The following HEATR4 variants were observed in gnomAD, a reference collection of about 807,000 sequenced individuals.
HEATR4 encodes the protein HEAT repeat containing 4, also known as HEAT repeat-containing protein 4.
A neutral mutation model predicts 108.8 loss-of-function variants in HEATR4; 95 were observed. The observed-to-expected ratio is 0.87, with a 90% CI of 0.74 to 1.04. The LOEUF (loss-of-function observed/expected upper bound fraction) is 1.04. HEATR4 is among the 50% of genes least tolerant of loss of function. The pLI, the probability that HEATR4 is intolerant of heterozygous loss-of-function variation, is 0.00. For missense variants in HEATR4, 1,152 were observed against 1,253.8 expected, an observed-to-expected ratio of 0.92 and a Z score of 1.23; for synonymous variants, 443 against 459.4, an observed-to-expected ratio of 0.96 and a Z score of 0.46.
intron 5 of HEATR4, among the ~76,000 whole-genome samples, chr14:73,517,000 G>T (rs1887640950): frequency 6.6e-6 from 1 of 152,156 alleles, no homozygotes; most frequent in Admixed American, 6.5e-5. Context: ...CTCTTGGCAG[G>T]GTACAGTGGC....
Position 73,484,811 on chromosome 14 carries a change from G to GACAC in HEATR4, c.2845-5973_2845-5970dup, listed in dbSNP as rs367692583. On this transcript the variant is annotated intron_variant, in intron 17 of 17. Coordinates refer to ENST00000553558, the MANE Select transcript of HEATR4 (RefSeq NM_001220484.1). ...TTCCAGATATTCAACTATGCAGGCA[G>GACAC]ACACACACACACACACACACAGACA... is the stretch of plus-strand genomic sequence containing the variant. 3.0e-3 allele frequency among the ~76,000 whole-genome samples: 447 copies of GACAC among 147,600 alleles called. 3 individuals are homozygous for GACAC. Among genetic ancestry groups the GACAC allele is most frequent in the African/African-American group, 9.0e-3 (358 of 39,854 alleles).
At chr14:73,629,811 A>AT in the HEATR4 span, among the ~76,000 whole-genome samples, 5 of 151,582 alleles carry the variant, frequency 3.3e-5, no homozygotes, top group African/African-American at 7.3e-5. Flanking sequence ...AGCCCGGCTA[A>AT]TTTTTTTGTA....
At chr14:73,560,078 T>G (rs1889493154), upstream of HEATR4, among the ~76,000 whole-genome samples, 1 of 152,150 alleles carries the variant, frequency 6.6e-6, no homozygotes, top group Non-Finnish European at 1.5e-5. Flanking sequence ...ATAGTATAAT[T>G]TCACACGTAC....
chr14:73,626,653 C>A, the HEATR4 span, among the ~76,000 whole-genome samples: 1 of 147,716 alleles, frequency 6.8e-6, no homozygotes, highest in Non-Finnish European at 1.5e-5. Context: ...CATAGTGAGA[C>A]CCTGTCTTAA....
rs1390255122 is a variant in HEATR4, at chr14:73,492,854, T to A, written c.2844+212A>T. 16 of 1,613,834 alleles carry A rather than the reference T, an allele frequency of 9.9e-6. No individual in the cohort carries two copies. The highest frequency in any genetic ancestry group is 1.4e-5 in the Non-Finnish European group (16 of 1,179,874). On this transcript the variant is annotated intron_variant, in intron 17 of 17. Transcript: ENST00000553558. This position sits in a 1 kb window ranked among gnomAD's most constrained non-coding sequence, Gnocchi z 4.9. ...GTTTGTGAGAGTGGGGGACCTGCCC[T>A]GTGACAGTGTGGAGGACCAGCTGTC...
the HEATR4 span, chr14:73,612,929 C>A: frequency 7.5e-7 from 1 of 1,339,308 alleles, no homozygotes; most frequent in Non-Finnish European, 1.0e-6. Flanking sequence ...CGGGCGGCTG[C>A]TGTGCCTGGC....
the HEATR4 span, among the ~76,000 whole-genome samples, chr14:73,568,540 G>A: frequency 6.6e-6 from 1 of 151,572 alleles, no homozygotes; most frequent in Admixed American, 6.6e-5. Flanking sequence ...ACTCCAGTCT[G>A]GCAATGTAGT....
At chr14:73,496,739 G>A (rs1886131170) in intron 14 of HEATR4, 60 bp from the exon 15 acceptor site, 2 of 931,462 alleles carry the variant, frequency 2.1e-6, no homozygotes. Context: ...AAGTATGGGG[G>A]TAGAAAATAT....
At chr14:73,610,582 T>C in the HEATR4 span, among the ~76,000 whole-genome samples, 5 of 152,220 alleles carry the variant, frequency 3.3e-5, no homozygotes, top group South Asian at 6.2e-4. Context: ...TTAGCCACCG[T>C]GCCCGACCAA....
Position 73,522,583 on chromosome 14 carries a change from G to C in HEATR4, c.570C>G (p.Ala190=). Residue 190 remains alanine, a synonymous_variant, in exon 3 of 18, where the codon GCC becomes GCG. Transcript: ENST00000553558. ...SLDVNLEERE[A]WLLPPEKEAR... ...CCTCCTTCTCAGGAGGCAGAAGCCA[G>C]GCTTCTCTTTCCTCCAGGTTCACAT... The C allele has an allele frequency of 6.2e-7, 1 of 1,614,204 alleles. No homozygotes were observed. Among genetic ancestry groups the C allele is most frequent in the Non-Finnish European group, 8.5e-7 (1 of 1,180,032 alleles).
chr14:73,527,398 C>T (rs915431894), intron 2 of HEATR4: 1 of 151,702 alleles, frequency 6.6e-6, no homozygotes, highest in Non-Finnish European at 1.5e-5. Context: ...GAAGCTCAAA[C>T]TTCGAGATAA....
intron 13 of HEATR4, 48 bp downstream of exon 13, chr14:73,499,023 G>A: frequency 6.6e-7 from 1 of 1,509,254 alleles, no homozygotes; most frequent in Non-Finnish European, 9.2e-7. Flanking sequence ...ACTTGCATAG[G>A]CAAAGGTATT....
At chr14:73,633,206 T>C in the HEATR4 span, among the ~76,000 whole-genome samples, 3 of 152,198 alleles carry the variant, frequency 2.0e-5, no homozygotes, top group South Asian at 6.2e-4. Context: ...GGTTTCACCA[T>C]TCTGGCCAGG....
chr14:73,528,123 G>A (rs1888455810), intron 2 of HEATR4, among the ~76,000 whole-genome samples: 3 of 152,086 alleles, frequency 2.0e-5, no homozygotes, highest in South Asian at 2.1e-4. Context: ...GGCTATGCGC[G>A]GTGGCTCATG....
At chr14:73,526,283 A>C (rs1198862482) in intron 2 of HEATR4, among the ~76,000 whole-genome samples, 1 of 152,214 alleles carries the variant, frequency 6.6e-6, no homozygotes, top group Non-Finnish European at 1.5e-5. Flanking sequence ...GTAGAGTGGG[A>C]CAGACCTGAG....
At chr14:73,502,282 G>A (rs1886520116) in intron 11 of HEATR4, among the ~76,000 whole-genome samples, 1 of 151,964 alleles carries the variant, frequency 6.6e-6, no homozygotes, top group Admixed American at 6.6e-5. Context: ...CAGCAGTTAT[G>A]GTATATGCCA....
the HEATR4 span, among the ~76,000 whole-genome samples, chr14:73,609,806 A>G: frequency 6.6e-6 from 1 of 151,688 alleles, no homozygotes; most frequent in African/African-American, 2.4e-5. Flanking sequence ...ATGCCTGGCT[A>G]ATTTTTGTAT....
intron 11 of HEATR4, among the ~76,000 whole-genome samples, chr14:73,502,518 C>A (rs1415654090): frequency 6.6e-6 from 1 of 151,890 alleles, no homozygotes; most frequent in Non-Finnish European, 1.5e-5. Context: ...AGGAGCTCAA[C>A]AAATGCTGGG....
At chr14:73,483,676 A>G (rs569132850) in intron 17 of HEATR4, among the ~76,000 whole-genome samples, 11 of 152,124 alleles carry the variant, frequency 7.2e-5, no homozygotes, top group Non-Finnish European at 1.3e-4. Flanking sequence ...TTTAAAGAAG[A>G]GCTTACATAT....
Sources: gnomAD v4.1 joint callset for allele counts (sites outside exome capture counted in the v4.1 genomes callset) on GRCh38, gnomAD v4.1.1 for gene constraint, Gnocchi (gnomAD v3.1) non-coding constraint, MANE v1.5 for transcripts, NCBI Gene and HGNC (gene_info 2026-07-23, HGNC 2026-07-21) for gene names.